The following GALNT1 variants were observed in gnomAD, a reference collection of about 807,000 sequenced individuals.
GALNT1 encodes the protein GalNAc transferase 1.
In GALNT1, 17 loss-of-function variants were observed where a neutral mutation model predicts 65.7. The ratio of observed to expected loss-of-function variants is 0.26; its 90% CI spans 0.18 to 0.39. The LOEUF is 0.39. Ranked by LOEUF, GALNT1 falls within the 10% of genes least tolerant of loss-of-function variation. The pLI, the probability that GALNT1 is intolerant of heterozygous loss-of-function variation, is 1.00. For missense variants in GALNT1, 460 were observed against 672.8 expected, an observed-to-expected ratio of 0.68 and a Z score of 3.50; for synonymous variants, 210 against 219.7, an observed-to-expected ratio of 0.96 and a Z score of 0.39.
intron 1 of GALNT1, among the ~76,000 whole-genome samples, chr18:35,629,997 G>C (rs2046983340): frequency 6.6e-6 from 1 of 152,160 alleles, no homozygotes; most frequent in African/African-American, 2.4e-5. Context: ...AATTCAACAA[G>C]AAGAGCTATC....
intron 4 of GALNT1, among the ~76,000 whole-genome samples, chr18:35,678,445 G>A (rs1343914007): frequency 6.6e-6 from 1 of 152,058 alleles, no homozygotes; most frequent in African/African-American, 2.4e-5. Flanking sequence ...ATTAATGGTG[G>A]CTTGGTCAAT....
chr18:35,630,851 A>G (rs1166505963), intron 1 of GALNT1, among the ~76,000 whole-genome samples: 1 of 152,240 alleles, frequency 6.6e-6, no homozygotes, highest in African/African-American at 2.4e-5. Context: ...AATAGACGCA[A>G]TAAAAAATGA....
chr18:35,669,993 A>T (rs2047608610), intron 3 of GALNT1, among the ~76,000 whole-genome samples: 1 of 152,214 alleles, frequency 6.6e-6, no homozygotes, highest in East Asian at 1.9e-4. Flanking sequence ...GGATTAGAAT[A>T]AAAAAGTGTT....
chr18:35,592,266 C>T (rs1002010248), intron 1 of GALNT1, among the ~76,000 whole-genome samples: 8 of 152,124 alleles, frequency 5.3e-5, no homozygotes, highest in African/African-American at 1.9e-4. Flanking sequence ...ACTAAACAGA[C>T]ATAGATCCTG....
chr18:35,651,139 T>C (rs1287847247), intron 1 of GALNT1, among the ~76,000 whole-genome samples: 2 of 152,190 alleles, frequency 1.3e-5, no homozygotes, highest in African/African-American at 4.8e-5. Flanking sequence ...ACAAAACTTC[T>C]TTTGTTTCCT....
chr18:35,633,887 A>G (rs2047055119), intron 1 of GALNT1, among the ~76,000 whole-genome samples: 1 of 152,190 alleles, frequency 6.6e-6, no homozygotes, highest in South Asian at 2.1e-4. Flanking sequence ...TCAGAAATTG[A>G]AAGATACTTG....
chr18:35,657,911 A>G (rs1305024327), intron 2 of GALNT1, among the ~76,000 whole-genome samples: 1 of 152,124 alleles, frequency 6.6e-6, no homozygotes, highest in Non-Finnish European at 1.5e-5. Context: ...TTATTTATGT[A>G]TGTTCAGGAA....
chr18:35,611,991 C>T (rs1277555730), intron 1 of GALNT1, among the ~76,000 whole-genome samples: 1 of 152,126 alleles, frequency 6.6e-6, no homozygotes, highest in Admixed American at 6.5e-5. Context: ...AAAGTGTCCT[C>T]ATTACCATCA....
At chr18:35,583,399 T>G (rs1322722964) in intron 1 of GALNT1, among the ~76,000 whole-genome samples, 1 of 152,236 alleles carries the variant, frequency 6.6e-6, no homozygotes, top group Non-Finnish European at 1.5e-5. Context: ...TGGTGCCTCT[T>G]AAGCAGCAGA....
rs368673931 is a variant in GALNT1 at position 35,614,490 on chromosome 18, T to C, written c.-104+32628T>C. 3.3e-5 allele frequency among the ~76,000 whole-genome samples: 5 copies of C among 152,224 alleles called. No homozygotes were observed. In the East Asian group the frequency reaches 9.7e-4, roughly 29 times the overall value. ...TGTGAAAAACCTACAGCAAACATAGTATTTGATAGAGAAACATTAATGGTA... is the reference window on the plus strand; with the variant it reads ...TGTGAAAAACCTACAGCAAACATAGCATTTGATAGAGAAACATTAATGGTA... On this transcript the variant is annotated intron_variant, in intron 1 of 11. Transcript: ENST00000269195.
At chr18:35,623,662 C>T (rs1568017664) in intron 1 of GALNT1, among the ~76,000 whole-genome samples, 1 of 152,138 alleles carries the variant, frequency 6.6e-6, no homozygotes, top group Non-Finnish European at 1.5e-5. Flanking sequence ...AATGGACTAA[C>T]CCTGTATTCT....
chr18:35,646,617 A>G (rs2047234481), intron 1 of GALNT1, among the ~76,000 whole-genome samples: 1 of 152,180 alleles, frequency 6.6e-6, no homozygotes, highest in Non-Finnish European at 1.5e-5. Flanking sequence ...GTGCTGGGGG[A>G]GGCCATAGAG....
At chr18:35,668,811 G>C (rs898590043) in intron 3 of GALNT1, among the ~76,000 whole-genome samples, 1 of 152,096 alleles carries the variant, frequency 6.6e-6, no homozygotes, top group Admixed American at 6.5e-5. Flanking sequence ...AAGATTATAA[G>C]TGAATATTAT....
intron 9 of GALNT1, among the ~76,000 whole-genome samples, chr18:35,702,459 A>C (rs983964882): frequency 3.9e-5 from 6 of 152,228 alleles, no homozygotes; most frequent in Admixed American, 3.3e-4. Context: ...GTACCACACT[A>C]TGCTTAAGCT....
intron 3 of GALNT1, among the ~76,000 whole-genome samples, chr18:35,668,079 T>C (rs2047574757): frequency 6.6e-6 from 1 of 152,176 alleles, no homozygotes; most frequent in African/African-American, 2.4e-5. Context: ...ATATATACCT[T>C]TAAATGCATA....
At chr18:35,679,149 A>G (rs913326503) in intron 4 of GALNT1, among the ~76,000 whole-genome samples, 1 of 152,186 alleles carries the variant, frequency 6.6e-6, no homozygotes, top group African/African-American at 2.4e-5. Flanking sequence ...TGGATAATCT[A>G]TTTGCTAGGA....
At chr18:35,617,498 A>G (rs2046799978) in intron 1 of GALNT1, among the ~76,000 whole-genome samples, 1 of 152,220 alleles carries the variant, frequency 6.6e-6, no homozygotes, top group African/African-American at 2.4e-5. Context: ...AAAAGTAGAC[A>G]GAACAGTGAA....
Position 35,683,481 on chromosome 18 carries a change from G to A in GALNT1, c.572G>A (p.Arg191Lys). The change falls in exon 5 of 12, where the codon AGA becomes AAA. Residue 191 changes from arginine (R) to lysine (K), a missense_variant. Transcript: ENST00000269195. Reference sequence around the variant, plus strand: ...ATGGAACAACGTTCTGGATTGATCAGAGCTAGATTAAAAGGAGCTGCTGTG... The same window carrying A: ...ATGGAACAACGTTCTGGATTGATCAAAGCTAGATTAAAAGGAGCTGCTGTG... ...IRMEQRSGLI[R>K]ARLKGAAVSK... 6.2e-7 allele frequency: 1 copy of A among 1,613,846 alleles called. No homozygotes were observed. The highest frequency in any genetic ancestry group is 8.5e-7 in the Non-Finnish European group (1 of 1,179,858).
chr18:35,679,957 C>G (rs1219901530), intron 4 of GALNT1, among the ~76,000 whole-genome samples: 1 of 152,196 alleles, frequency 6.6e-6, no homozygotes, highest in East Asian at 1.9e-4. Context: ...CATACTCTTA[C>G]CCCCTCCCAT....
Sources: allele counts gnomAD v4.1 joint callset (sites outside exome capture counted in the v4.1 genomes callset), GRCh38; gene constraint gnomAD v4.1.1; transcripts MANE v1.5; gene names NCBI Gene and HGNC (gene_info 2026-07-23, HGNC 2026-07-21).